Variants in ZBTB7C observed in about 807,000 individuals in gnomAD.
ZBTB7C encodes the protein zinc finger and BTB domain-containing protein 7C.
In ZBTB7C, 8 loss-of-function variants were observed where a neutral mutation model predicts 25.7. The ratio of observed to expected loss-of-function variants is 0.31; its 90% CI spans 0.18 to 0.56. The LOEUF is 0.56. Ranked by LOEUF, ZBTB7C falls within the 20% of genes least tolerant of loss-of-function variation. ZBTB7C has a pLI of 0.91. For missense variants in ZBTB7C, 824 were observed against 855.2 expected (o/e 0.96, Z 0.46); for synonymous variants, 394 against 369.0 (o/e 1.07, Z -0.78).
intron 2 of ZBTB7C, among the ~76,000 whole-genome samples, chr18:48,208,941 T>G (rs1452413734): frequency 6.6e-6 from 1 of 152,262 alleles, no homozygotes; most frequent in Non-Finnish European, 1.5e-5. Context: ...ATCTGTCCTG[T>G]GCTCACTGTT....
intron 1 of ZBTB7C, among the ~76,000 whole-genome samples, chr18:48,361,952 G>A (rs1366693192): frequency 2.0e-5 from 3 of 152,236 alleles, no homozygotes; most frequent in African/African-American, 7.2e-5. Flanking sequence ...CTCCCCTCGT[G>A]TAACTCCAGC....
chr18:48,186,766 G>C (rs1473371476), intron 2 of ZBTB7C, among the ~76,000 whole-genome samples: 2 of 152,190 alleles, frequency 1.3e-5, no homozygotes, highest in Non-Finnish European at 2.9e-5. Flanking sequence ...GATTTTTGGA[G>C]GGAGTCAGGA....
chr18:48,314,290 G>T (rs567910282), intron 2 of ZBTB7C, among the ~76,000 whole-genome samples: 2 of 152,130 alleles, frequency 1.3e-5, no homozygotes, highest in African/African-American at 4.8e-5. Context: ...GCTTCAGTTC[G>T]TCTACAATGA....
intron 3 of ZBTB7C, among the ~76,000 whole-genome samples, chr18:48,117,863 C>T (rs1236613977): frequency 6.6e-6 from 1 of 152,064 alleles, no homozygotes; most frequent in Non-Finnish European, 1.5e-5. Flanking sequence ...TTCACTGTAC[C>T]TTTACTTGCC....
rs182804889 is a variant in ZBTB7C, at chr18:48,105,788, G to A, written c.-16-64665C>T. Among the ~76,000 whole-genome samples the A allele has an allele frequency of 3.9e-4, 59 of 152,204 alleles. 1 individual carries two copies. The East Asian group carries it at 7.0e-3, about 18-fold the overall frequency. On this transcript the variant is annotated intron_variant, in intron 3 of 4. Coordinates refer to ENST00000590800, the MANE Select transcript of ZBTB7C (RefSeq NM_001318841.2). Reference sequence around the variant, plus strand: ...TAAATTCCATGGTGTAAATACTCCCGGTTCACAAAACTGAAATTTAACAAC... The same window carrying A: ...TAAATTCCATGGTGTAAATACTCCCAGTTCACAAAACTGAAATTTAACAAC...
upstream of ZBTB7C, among the ~76,000 whole-genome samples, chr18:48,411,808 A>G (rs569584693): frequency 5.3e-5 from 8 of 152,380 alleles, no homozygotes; most frequent in South Asian, 1.7e-3. Context: ...GTGGCTCTAA[A>G]TCAGAAAGTT....
chr18:48,382,675 C>T (rs74995709), intron 1 of ZBTB7C, among the ~76,000 whole-genome samples: 2,070 of 152,320 alleles, frequency 0.014, 31 homozygotes, highest in African/African-American at 0.042. Context: ...AAAAGTCACA[C>T]GAATGACTTT....
chr18:48,102,440 C>T (rs1034239393), intron 3 of ZBTB7C, among the ~76,000 whole-genome samples: 5 of 151,914 alleles, frequency 3.3e-5, no homozygotes, highest in African/African-American at 1.2e-4. Context: ...TAGTGCACAC[C>T]TGTAGTTCTA....
intron 3 of ZBTB7C, among the ~76,000 whole-genome samples, chr18:48,145,332 C>T (rs866834381): frequency 6.6e-6 from 1 of 152,160 alleles, no homozygotes; most frequent in South Asian, 2.1e-4. Context: ...CTTCATCTTC[C>T]CTTCAGCTCC....
At chr18:48,393,632 C>A (rs531055764) in intron 1 of ZBTB7C, among the ~76,000 whole-genome samples, 3 of 152,206 alleles carry the variant, frequency 2.0e-5, no homozygotes, top group African/African-American at 4.8e-5. Flanking sequence ...TCCAAATGAT[C>A]ACACACATGC....
At chr18:48,139,221 G>A (rs1456420227) in intron 3 of ZBTB7C, among the ~76,000 whole-genome samples, 1 of 152,092 alleles carries the variant, frequency 6.6e-6, no homozygotes, top group Non-Finnish European at 1.5e-5. Context: ...CCAGCAGCTG[G>A]CCTGGTTCAG....
rs568543948 is a variant in ZBTB7C at position 48,036,135 on chromosome 18, A to T, written c.1208+3765T>A. ...CCTAGGGAGATTTCATATTTGGAACAGATCAGTGGTGGGACACCTGGTAGG... is the reference window on the plus strand; with the variant it reads ...CCTAGGGAGATTTCATATTTGGAACTGATCAGTGGTGGGACACCTGGTAGG... On this transcript the variant is annotated intron_variant, in intron 4 of 4. Coordinates refer to ENST00000590800, the MANE Select transcript of ZBTB7C (RefSeq NM_001318841.2). Among the ~76,000 whole-genome samples the T allele has an allele frequency of 8.5e-5, 13 of 152,384 alleles. No individual in the cohort carries two copies. In the East Asian group the frequency reaches 2.5e-3, roughly 29 times the overall value.
chr18:48,366,443 G>A (rs1225303394), intron 1 of ZBTB7C, among the ~76,000 whole-genome samples: 1 of 152,294 alleles, frequency 6.6e-6, no homozygotes, highest in East Asian at 1.9e-4. Context: ...CTACATCTGA[G>A]TTCAATAATT....
At chr18:48,032,436 T>G (rs2035798965) in intron 4 of ZBTB7C, among the ~76,000 whole-genome samples, 1 of 124,468 alleles carries the variant, frequency 8.0e-6, no homozygotes, top group Admixed American at 7.8e-5. Flanking sequence ...TTTTTTTTTT[T>G]TTTTTTTTTT....
intron 3 of ZBTB7C, among the ~76,000 whole-genome samples, chr18:48,168,774 C>T (rs142706757): frequency 2.0e-5 from 3 of 152,174 alleles, no homozygotes; most frequent in Non-Finnish European, 2.9e-5. Flanking sequence ...GTGGAAGTTG[C>T]GTAAAGGATA....
chr18:48,190,726 G>A (rs959405414), intron 2 of ZBTB7C, among the ~76,000 whole-genome samples: 2 of 152,210 alleles, frequency 1.3e-5, no homozygotes, highest in Non-Finnish European at 2.9e-5. Context: ...GCACCCCAGA[G>A]AGGCAGGCCC....
intron 3 of ZBTB7C, chr18:48,072,481 C>A (rs559896342): frequency 6.6e-6 from 1 of 152,332 alleles, no homozygotes; most frequent in East Asian, 1.9e-4. Flanking sequence ...CGATCTGCAG[C>A]CTCCTTCCCA....
chr18:48,387,244 T>C (rs1382982681), intron 1 of ZBTB7C, among the ~76,000 whole-genome samples: 1 of 152,206 alleles, frequency 6.6e-6, no homozygotes, highest in Non-Finnish European at 1.5e-5. Flanking sequence ...GGAGGTCTGG[T>C]TTCTGAACTC....
At chr18:48,389,232 CTCTCGTGTGT>C (rs1321515968) in intron 1 of ZBTB7C, among the ~76,000 whole-genome samples, 313 of 61,644 alleles carry the variant, frequency 5.1e-3, no homozygotes, top group Admixed American at 0.025. Context: ...CTCTCTCTCT[CTCTCGTGTGT>C]GTGTGTGTGT....
Sources: gnomAD v4.1 joint callset for allele counts (sites outside exome capture counted in the v4.1 genomes callset) on GRCh38, gnomAD v4.1.1 for gene constraint, MANE v1.5 for transcripts, NCBI Gene and HGNC (gene_info 2026-07-23, HGNC 2026-07-21) for gene names.